The following C12orf42 variants were observed in gnomAD, a reference collection of about 807,000 sequenced individuals.
C12orf42 encodes the protein uncharacterized protein C12orf42.
A neutral mutation model predicts 21.6 loss-of-function variants in C12orf42; 25 were observed. The ratio of observed to expected loss-of-function variants is 1.16; its 90% CI spans 0.84 to 1.62. C12orf42 has a LOEUF of 1.62. C12orf42 is among the 40% of genes most tolerant of loss of function. The pLI is 0.00. For missense variants in C12orf42, 483 were observed against 459.3 expected (o/e 1.05, Z -0.47); for synonymous variants, 174 against 175.0 (o/e 0.99, Z 0.05).
the C12orf42 span, among the ~76,000 whole-genome samples, chr12:103,116,485 A>C: frequency 6.6e-6 from 1 of 151,554 alleles, no homozygotes; most frequent in East Asian, 1.9e-4. Flanking sequence ...TTCCTGGCCA[A>C]TCTTAGTCGT....
At chr12:103,293,220 A>T (rs1217570222) in intron 4 of C12orf42, among the ~76,000 whole-genome samples, 1 of 152,078 alleles carries the variant, frequency 6.6e-6, no homozygotes, top group Non-Finnish European at 1.5e-5. Flanking sequence ...CCATGAATCA[A>T]CATATATCTG....
intron 4 of C12orf42, among the ~76,000 whole-genome samples, chr12:103,357,694 T>G (rs190241318): frequency 6.2e-4 from 94 of 152,214 alleles, no homozygotes; most frequent in Non-Finnish European, 1.2e-3. Flanking sequence ...AAGTTTCTTT[T>G]GTGGATCAGT....
chr12:103,322,756 G>T (rs17033696), intron 4 of C12orf42, among the ~76,000 whole-genome samples: 1 of 152,216 alleles, frequency 6.6e-6, no homozygotes, highest in Admixed American at 6.5e-5. Context: ...GTCCAAATTC[G>T]TAAGAGTGCA....
chr12:103,480,813 T>C (rs1463101317), intron 1 of C12orf42, among the ~76,000 whole-genome samples: 1 of 151,674 alleles, frequency 6.6e-6, no homozygotes, highest in Middle Eastern at 3.8e-3. Flanking sequence ...AGTCTCCATG[T>C]AGCCAATTTT....
chr12:103,226,071 G>C, the C12orf42 span, among the ~76,000 whole-genome samples: 1 of 152,206 alleles, frequency 6.6e-6, no homozygotes, highest in Non-Finnish European at 1.5e-5. Flanking sequence ...CCACACAGAT[G>C]GGACGTGGCT....
the C12orf42 span, among the ~76,000 whole-genome samples, chr12:103,184,716 C>G: frequency 1.6e-5 from 1 of 61,252 alleles, no homozygotes; most frequent in Non-Finnish European, 4.4e-5. Context: ...TTGTCACCCC[C>G]CCCCCCCCAA....
chr12:103,207,438 G>A, the C12orf42 span, among the ~76,000 whole-genome samples: 1 of 152,158 alleles, frequency 6.6e-6, no homozygotes, highest in Non-Finnish European at 1.5e-5. Context: ...TTTAAAATGC[G>A]TGCGCACACA....
At position 103,306,144 on chromosome 12, in the gene C12orf42, G is replaced by GCT. The variant is rs767358170; in HGVS notation, c.459_460dup (p.Ala154GlufsTer28). ...CCAAGCCTGCTTGGGTGCTCCTCTG[G>GCT]CTCTCTCCTCAGTTTCTCCTCTGGC... On this transcript the variant is annotated frameshift_variant, in exon 5 of 6. Transcript: ENST00000548883. LOFTEE classifies it high-confidence loss of function. 3 of 1,613,880 alleles carry GCT rather than the reference G, an allele frequency of 1.9e-6. No individual in the cohort carries two copies. Among genetic ancestry groups the GCT allele is most frequent in the African/African-American group, 2.7e-5 (2 of 75,018 alleles).
the C12orf42 span, among the ~76,000 whole-genome samples, chr12:103,225,481 T>C: frequency 6.6e-6 from 1 of 152,006 alleles, no homozygotes; most frequent in African/African-American, 2.4e-5. Flanking sequence ...GGATGCATGA[T>C]CGGTCACCAA....
the C12orf42 span, among the ~76,000 whole-genome samples, chr12:103,181,905 T>C: frequency 2.6e-5 from 4 of 152,214 alleles, no homozygotes; most frequent in Admixed American, 2.6e-4. Flanking sequence ...CGTAAGCTTA[T>C]ATTGTATTTC....
chr12:103,396,339 C>T lies in C12orf42; in HGVS notation c.147+5268G>A, dbSNP rs540921297. Reference sequence around the variant, plus strand: ...TACTTGCTTCTCCTTCACCTTTCACCATGATTGTAAGTTTCCTGAGGCCTC... The same window carrying T: ...TACTTGCTTCTCCTTCACCTTTCACTATGATTGTAAGTTTCCTGAGGCCTC... On this transcript the variant is annotated intron_variant, in intron 3 of 5. Transcript: ENST00000548883. Among the ~76,000 whole-genome samples, 263 of 152,222 alleles carry T rather than the reference C, an allele frequency of 1.7e-3. 1 individual carries two copies. Among genetic ancestry groups the T allele is most frequent in the African/African-American group, 6.0e-3 (250 of 41,526 alleles).
chr12:103,504,356 T>G, the C12orf42 span: 121,334 of 164,104 alleles, frequency 0.74, 45,421 homozygotes, highest in African/African-American at 0.84. Context: ...AAGGGTATGT[T>G]GGGTCTCTTG....
At chr12:103,307,967 T>G (rs1465697126) in intron 4 of C12orf42, among the ~76,000 whole-genome samples, 1 of 152,222 alleles carries the variant, frequency 6.6e-6, no homozygotes, top group Non-Finnish European at 1.5e-5. Context: ...GTTTCTAAGT[T>G]AAGATATTCT....
At chr12:103,430,686 C>A (rs1950200121) in intron 2 of C12orf42, among the ~76,000 whole-genome samples, 1 of 152,064 alleles carries the variant, frequency 6.6e-6, no homozygotes, top group Non-Finnish European at 1.5e-5. Context: ...CAGCACTATT[C>A]ACAATAGCAA....
intron 3 of C12orf42, among the ~76,000 whole-genome samples, chr12:103,385,128 T>C (rs2046495499): frequency 6.6e-6 from 1 of 152,214 alleles, no homozygotes; most frequent in Non-Finnish European, 1.5e-5. Context: ...ACCCCCAAAT[T>C]GGTGGACTTG....
the C12orf42 span, among the ~76,000 whole-genome samples, chr12:103,132,668 C>A: frequency 1.1e-4 from 16 of 152,182 alleles, no homozygotes; most frequent in Non-Finnish European, 1.6e-4. Context: ...GCAGTCACCA[C>A]CAAGGTTGGC....
intron 2 of C12orf42, among the ~76,000 whole-genome samples, chr12:103,439,145 C>T (rs1204209017): frequency 1.3e-5 from 2 of 151,652 alleles, no homozygotes; most frequent in African/African-American, 4.8e-5. Flanking sequence ...CTGAGAAAAA[C>T]AAGAAATGGG....
At position 103,460,076 on chromosome 12, in the gene C12orf42, G is replaced by C. The variant is rs147855893; in HGVS notation, c.78+18273C>G. On this transcript the variant is annotated intron_variant, in intron 2 of 5. Transcript: ENST00000548883. Reference sequence around the variant, plus strand: ...TCCAAGGGCACAGGACTCATAAAGAGTATTAATTAAGGCTCGCTGTTCTGA... The same window carrying C: ...TCCAAGGGCACAGGACTCATAAAGACTATTAATTAAGGCTCGCTGTTCTGA... Among the ~76,000 whole-genome samples the C allele has an allele frequency of 2.7e-3, 410 of 152,298 alleles. 1 individual carries two copies. Among genetic ancestry groups the C allele is most frequent in the African/African-American group, 9.0e-3 (376 of 41,558 alleles).
At chr12:103,475,576 T>G (rs1211097402) in intron 2 of C12orf42, among the ~76,000 whole-genome samples, 2 of 152,226 alleles carry the variant, frequency 1.3e-5, no homozygotes, top group African/African-American at 4.8e-5. Flanking sequence ...CATGTTGCTG[T>G]TCCTATCATT....
Sources: allele counts gnomAD v4.1 joint callset (sites outside exome capture counted in the v4.1 genomes callset), GRCh38; gene constraint gnomAD v4.1.1; transcripts MANE v1.5; gene names NCBI Gene and HGNC (gene_info 2026-07-23, HGNC 2026-07-21).